XYLT1: variants seen among roughly 807,000 people sequenced by gnomAD.
XYLT1 encodes xylosyltransferase 1.
In XYLT1, 36 loss-of-function variants were observed where a neutral mutation model predicts 91.3. The observed-to-expected ratio is 0.39, with a 90% CI of 0.30 to 0.52. The LOEUF (loss-of-function observed/expected upper bound fraction) is 0.52. XYLT1 is among the 20% of genes least tolerant of loss of function. The probability of loss-of-function intolerance (pLI) is 0.68; values close to 1 mark genes in which losing one functional copy is unlikely to be tolerated. For missense variants in XYLT1, 1,242 were observed against 1,284.5 expected, an observed-to-expected ratio of 0.97 and a Z score of 0.51; for synonymous variants, 588 against 532.0, an observed-to-expected ratio of 1.11 and a Z score of -1.45.
At chr16:17,175,580 T>C (rs988768694) in intron 5 of XYLT1, among the ~76,000 whole-genome samples, 1 of 152,326 alleles carries the variant, frequency 6.6e-6, no homozygotes, top group Admixed American at 6.5e-5. Context: ...GGCGTGGTCA[T>C]GGAGCCGGGA....
chr16:17,444,390 T>C (rs185612697), intron 1 of XYLT1, among the ~76,000 whole-genome samples: 8 of 152,306 alleles, frequency 5.3e-5, no homozygotes, highest in Non-Finnish European at 2.9e-5. Context: ...TCACCCAGGT[T>C]GCAATGGTGA....
chr16:17,313,586 T>A (rs908401819), intron 2 of XYLT1, among the ~76,000 whole-genome samples: 1 of 152,118 alleles, frequency 6.6e-6, no homozygotes, highest in Non-Finnish European at 1.5e-5. Context: ...GGACTGTGGG[T>A]GAATTCTTTC....
chr16:17,352,664 T>C (rs2035238429), intron 2 of XYLT1, among the ~76,000 whole-genome samples: 1 of 152,168 alleles, frequency 6.6e-6, no homozygotes, highest in South Asian at 2.1e-4. Flanking sequence ...CCAGCTCAGA[T>C]TCCCCCACTA....
chr16:17,428,744 C>A (rs1161024435), intron 1 of XYLT1, among the ~76,000 whole-genome samples: 2 of 152,158 alleles, frequency 1.3e-5, no homozygotes, highest in Non-Finnish European at 1.5e-5. Flanking sequence ...CTGGGTTCAC[C>A]AAACTAGGTC....
In XYLT1 at chr16:17,104,729, A is replaced by C. The variant is rs1486834501; in HGVS notation, c.*3966T>G. On this transcript the variant is annotated 3_prime_UTR_variant, in exon 12 of 12. Transcript: ENST00000261381. ...TCTGGATTTCCGGCTTCCCTTCCAAATTGGAAGATTCCACTACACTGTGCT... is the reference window on the plus strand; with the variant it reads ...TCTGGATTTCCGGCTTCCCTTCCAACTTGGAAGATTCCACTACACTGTGCT... 1 of 152,148 alleles carries C rather than the reference A, an allele frequency of 6.6e-6. No homozygotes were observed. The highest frequency in any genetic ancestry group is 1.5e-5 in the Non-Finnish European group (1 of 68,030). 9.4% of individuals were successfully genotyped at this position (152,148 alleles called of 1,614,324 possible). A position where few individuals can be genotyped will look rare whatever the true frequency, so the allele number is the denominator to read the frequency against.
intron 1 of XYLT1, among the ~76,000 whole-genome samples, chr16:17,418,867 A>T (rs2036214266): frequency 6.6e-6 from 1 of 151,518 alleles, no homozygotes; most frequent in African/African-American, 2.4e-5. Flanking sequence ...ATAAATAAAT[A>T]AAAAGGCTGT....
In XYLT1 at chr16:17,117,870, A is replaced by C; in HGVS notation, c.2333T>G (p.Val778Gly). The change falls in exon 11 of 12, where the codon GTG becomes GGG. Residue 778 changes from valine to glycine, a missense_variant. Val to Gly is a moderately radical substitution (Grantham distance 109). Transcript: ENST00000261381. ...ATCCACCCAAATGACGGTCACGGTCACATTAGGTCCCTTCCCCCACTTCTG... is the reference window on the plus strand; with the variant it reads ...ATCCACCCAAATGACGGTCACGGTCCCATTAGGTCCCTTCCCCCACTTCTG... ...GMQKWGKGPN[V>G]TVTVIWVDPV... The C allele has an allele frequency of 6.2e-7, 1 of 1,614,134 alleles. No individual in the cohort carries two copies.
At chr16:17,339,620 G>A (rs1467019538) in intron 2 of XYLT1, among the ~76,000 whole-genome samples, 2 of 152,088 alleles carry the variant, frequency 1.3e-5, no homozygotes, top group African/African-American at 4.8e-5. Context: ...AATATTCAGA[G>A]AAGGGGAGCA....
chr16:17,179,162 G>A (rs7201659), intron 5 of XYLT1, among the ~76,000 whole-genome samples: 65,383 of 151,916 alleles, frequency 0.43, 15,456 homozygotes, highest in South Asian at 0.67. Flanking sequence ...ACATATTCTC[G>A]CTTGTAAGGG....
intron 11 of XYLT1, among the ~76,000 whole-genome samples, chr16:17,113,955 A>G (rs1412944911): frequency 6.6e-6 from 1 of 150,434 alleles, no homozygotes; most frequent in African/African-American, 2.5e-5. Flanking sequence ...AGGGTGGTGC[A>G]CCCCAATGCC....
In XYLT1 at chr16:17,291,016, C is replaced by T. The variant is rs192649024; in HGVS notation, c.403-31518G>A. Among the ~76,000 whole-genome samples the T allele has an allele frequency of 3.3e-5, 5 of 152,336 alleles. No homozygotes were observed. The East Asian group carries it at 5.8e-4, about 18-fold the overall frequency. ...ATGGCGCAATCATATCTCACTGCATCCTCAGCCTCCCAGGCTCAAGGGATC... is the reference window on the plus strand; with the variant it reads ...ATGGCGCAATCATATCTCACTGCATTCTCAGCCTCCCAGGCTCAAGGGATC... On this transcript the variant is annotated intron_variant, in intron 2 of 11. Transcript: ENST00000261381.
chr16:17,329,141 A>G (rs1046157516), intron 2 of XYLT1, among the ~76,000 whole-genome samples: 3 of 152,254 alleles, frequency 2.0e-5, no homozygotes, highest in Non-Finnish European at 2.9e-5. Flanking sequence ...GACATAGACG[A>G]GTACGTAACA....
At chr16:17,234,271 C>T (rs573238046) in intron 3 of XYLT1, among the ~76,000 whole-genome samples, 17 of 152,342 alleles carry the variant, frequency 1.1e-4, no homozygotes, top group Admixed American at 7.8e-4. Context: ...GTCATCACCA[C>T]TTCCAACTCT....
chr16:17,188,244 C>A (rs1459329765), intron 5 of XYLT1, among the ~76,000 whole-genome samples: 1 of 152,152 alleles, frequency 6.6e-6, no homozygotes, highest in African/African-American at 2.4e-5. Context: ...CCACTCCCAA[C>A]TATTCTCCCA....
chr16:17,283,100 T>C (rs2034082311), intron 2 of XYLT1, among the ~76,000 whole-genome samples: 1 of 151,200 alleles, frequency 6.6e-6, no homozygotes, highest in African/African-American at 2.4e-5. Context: ...CCAGCACGAG[T>C]GGATGGAAAT....
intron 1 of XYLT1, among the ~76,000 whole-genome samples, chr16:17,410,314 A>C (rs969062210): frequency 3.9e-5 from 6 of 152,246 alleles, no homozygotes; most frequent in Admixed American, 1.3e-4. Flanking sequence ...ATAAAGACAC[A>C]TCCGAGACTG....
chr16:17,243,977 C>T (rs2033392776), intron 3 of XYLT1, among the ~76,000 whole-genome samples: 1 of 152,172 alleles, frequency 6.6e-6, no homozygotes, highest in Admixed American at 6.5e-5. Flanking sequence ...ATGTCCTGTG[C>T]ATTGCAGGAT....
At chr16:17,194,429 G>A (rs895555737) in intron 5 of XYLT1, among the ~76,000 whole-genome samples, 1 of 152,232 alleles carries the variant, frequency 6.6e-6, no homozygotes, top group Non-Finnish European at 1.5e-5. Context: ...GTGGTCTTGG[G>A]CTTAATGCGG....
chr16:17,345,936 G>C (rs112755806), intron 2 of XYLT1, among the ~76,000 whole-genome samples: 18,827 of 152,060 alleles, frequency 0.12, 1,527 homozygotes, highest in African/African-American at 0.22. Flanking sequence ...TCAGCCTCCC[G>C]AGTAGCTGGG....
Sources: allele counts gnomAD v4.1 joint callset (sites outside exome capture counted in the v4.1 genomes callset), GRCh38; gene constraint gnomAD v4.1.1; transcripts MANE v1.5; gene names NCBI Gene and HGNC (gene_info 2026-07-23, HGNC 2026-07-21).